Variants in MEIKIN observed in about 807,000 individuals in gnomAD.
The protein encoded by MEIKIN is meiotic kinetochore factor, also known as meiosis-specific kinetochore protein.
At chr5:131,846,309 C>G (rs967200205) in intron 11 of MEIKIN, among the ~76,000 whole-genome samples, 1 of 152,102 alleles carries the variant, frequency 6.6e-6, no homozygotes, top group Non-Finnish European at 1.5e-5. Context: ...GGACACTAGA[C>G]AGTACCTTGA....
chr5:131,865,441 G>C (rs879743094), intron 9 of MEIKIN, among the ~76,000 whole-genome samples: 7 of 152,178 alleles, frequency 4.6e-5, no homozygotes, highest in Non-Finnish European at 8.8e-5. Flanking sequence ...GAATGGTCTC[G>C]ATCTCCTGAC....
chr5:131,887,919 CT>C (rs1159470791), intron 8 of MEIKIN, among the ~76,000 whole-genome samples: 1 of 133,498 alleles, frequency 7.5e-6, no homozygotes, highest in Non-Finnish European at 1.5e-5. Flanking sequence ...TCCATGTGTT[CT>C]CACTGTTCAA....
At chr5:131,839,747 C>T (rs1749871087) in intron 11 of MEIKIN, among the ~76,000 whole-genome samples, 1 of 152,146 alleles carries the variant, frequency 6.6e-6, no homozygotes, top group South Asian at 2.1e-4. Flanking sequence ...TATGTCACTG[C>T]ATGTGAGATG....
intron 8 of MEIKIN, among the ~76,000 whole-genome samples, chr5:131,889,893 C>A (rs1458529140): frequency 1.3e-5 from 2 of 152,150 alleles, no homozygotes; most frequent in Non-Finnish European, 2.9e-5. Context: ...CCCATCAATA[C>A]CTAATTTATT....
At chr5:131,808,995 C>T (rs1314363183) in intron 12 of MEIKIN, among the ~76,000 whole-genome samples, 4 of 152,068 alleles carry the variant, frequency 2.6e-5, no homozygotes, top group Non-Finnish European at 5.9e-5. Context: ...CCTGGAAGGT[C>T]GAGGCTACAG....
intron 9 of MEIKIN, among the ~76,000 whole-genome samples, chr5:131,871,400 C>T (rs1206652928): frequency 2.0e-5 from 3 of 152,224 alleles, no homozygotes; most frequent in Non-Finnish European, 4.4e-5. Context: ...TCGCTCATTG[C>T]TAGCATAGCA....
intron 8 of MEIKIN, among the ~76,000 whole-genome samples, chr5:131,884,294 G>A (rs1449670547): frequency 1.3e-5 from 2 of 152,068 alleles, no homozygotes; most frequent in South Asian, 2.1e-4. Flanking sequence ...CCTTCCTTTT[G>A]CTTGAGGAGA....
chr5:131,925,228 T>C (rs1256569325), intron 5 of MEIKIN, among the ~76,000 whole-genome samples: 2 of 152,228 alleles, frequency 1.3e-5, no homozygotes, highest in African/African-American at 4.8e-5. Flanking sequence ...ATGTTCCTAC[T>C]TTGTTCTTCT....
intron 5 of MEIKIN, among the ~76,000 whole-genome samples, chr5:131,925,662 GT>G (rs568998910): frequency 1.3e-5 from 2 of 151,166 alleles, no homozygotes; most frequent in African/African-American, 2.4e-5. Context: ...AAGTTTTTGT[GT>G]TTTTTTTGTT....
chr5:131,880,614 C>T (rs1469953626), intron 8 of MEIKIN, among the ~76,000 whole-genome samples: 1 of 152,200 alleles, frequency 6.6e-6, no homozygotes, highest in Non-Finnish European at 1.5e-5. Flanking sequence ...GTTTCAATAG[C>T]ATTTCAATTC....
chr5:131,869,593 A>C (rs1750450165), intron 9 of MEIKIN, among the ~76,000 whole-genome samples: 1 of 152,222 alleles, frequency 6.6e-6, no homozygotes, highest in Non-Finnish European at 1.5e-5. Context: ...AAAACAAAAA[A>C]ACCCGAATAT....
At chr5:131,896,881 C>T (rs1751062552) in intron 8 of MEIKIN, among the ~76,000 whole-genome samples, 1 of 152,164 alleles carries the variant, frequency 6.6e-6, no homozygotes, top group Non-Finnish European at 1.5e-5. Context: ...GCCCATTTTA[C>T]ATTTAAGGTT....
In MEIKIN at chr5:131,845,272, T is replaced by TAAAAAAAAAAAAAAAAAAAAAA. The variant is rs1158220526; in HGVS notation, c.975+5970_975+5991dup. On this transcript the variant is annotated intron_variant, in intron 11 of 12. Transcript: ENST00000442687. ...GTGACAGAGCGAGAAGACTTCGTCT[T>TAAAAAAAAAAAAAAAAAAAAAA]AAAAAAAAAAAAAAAAAAAAAAAAA... Among the ~76,000 whole-genome samples, 20 of 45,360 alleles carry TAAAAAAAAAAAAAAAAAAAAAA rather than the reference T, an allele frequency of 4.4e-4. 4 individuals carry two copies. The highest frequency in any genetic ancestry group is 2.7e-3 in the African/African-American group (19 of 7,162). 29.8% of individuals were successfully genotyped at this position (45,360 alleles called of 152,430 possible).
chr5:131,930,362 A>C (rs1356816108), intron 5 of MEIKIN, among the ~76,000 whole-genome samples: 4 of 151,942 alleles, frequency 2.6e-5, no homozygotes, highest in Non-Finnish European at 5.9e-5. Flanking sequence ...TGCTGATTTA[A>C]ATTTCTTATA....
intron 3 of MEIKIN, 78 bp downstream of exon 3, chr5:131,944,587 C>A (rs1751929804): frequency 2.5e-6 from 1 of 398,322 alleles, no homozygotes; most frequent in Non-Finnish European, 4.4e-6. Context: ...CCATTTTATT[C>A]TTTCATCCGG....
intron 4 of MEIKIN, among the ~76,000 whole-genome samples, chr5:131,936,776 A>G: frequency 6.6e-6 from 1 of 151,796 alleles, no homozygotes; most frequent in East Asian, 1.9e-4. Flanking sequence ...TCGTACTTTT[A>G]GTAGAGATGG....
chr5:131,914,303 G>A (rs1322117699), intron 7 of MEIKIN, among the ~76,000 whole-genome samples: 2 of 150,608 alleles, frequency 1.3e-5, no homozygotes, highest in Non-Finnish European at 3.0e-5. Context: ...AGGATCACTT[G>A]AACCCAGGAG....
At chr5:131,892,960 TG>T (rs1580894173) in intron 8 of MEIKIN, among the ~76,000 whole-genome samples, 1 of 152,214 alleles carries the variant, frequency 6.6e-6, no homozygotes, top group African/African-American at 2.4e-5. Flanking sequence ...GCAGGTCTGT[TG>T]GAGTTTGCTG....
At chr5:131,876,808 A>G (rs1423968177) in intron 9 of MEIKIN, among the ~76,000 whole-genome samples, 1 of 151,992 alleles carries the variant, frequency 6.6e-6, no homozygotes, top group Non-Finnish European at 1.5e-5. Context: ...ATGGAATACT[A>G]TGCAGCCATA....
Sources: allele counts gnomAD v4.1 joint callset (sites outside exome capture counted in the v4.1 genomes callset), GRCh38; gene constraint gnomAD v4.1.1; transcripts MANE v1.5; gene names NCBI Gene and HGNC (gene_info 2026-07-23, HGNC 2026-07-21).